The following STPG2 variants were observed in gnomAD, a reference collection of about 807,000 sequenced individuals.
The protein encoded by STPG2 is sperm tail PG-rich repeat containing 2.
STPG2 carries 56 observed loss-of-function variants against 54.2 expected under a neutral mutation model. The ratio of observed to expected loss-of-function variants is 1.03; its 90% CI spans 0.83 to 1.29. The LOEUF is 1.29. Ranked by LOEUF, STPG2 falls within the 50% of genes most tolerant of loss-of-function variation. STPG2 has a pLI of 0.00. For missense variants in STPG2, 596 were observed against 544.9 expected (o/e 1.09, Z -0.93); for synonymous variants, 200 against 181.8 (o/e 1.10, Z -0.81).
Position 97,486,352 on chromosome 4 carries a change from G to A in STPG2, c.462+226347C>T, listed in dbSNP as rs188494206. On this transcript the variant is annotated intron_variant, in intron 4 of 4. Coordinates refer to the STPG2 transcript ENST00000522676. ...AAAAAAACAATCCCATCAAAAAGTG[G>A]GCTAAGAACATGAATAGACAATTCC... is the stretch of plus-strand genomic sequence containing the variant. Among the ~76,000 whole-genome samples, 434 of 151,584 alleles carry A rather than the reference G, an allele frequency of 2.9e-3. 6 individuals are homozygous for A. The Middle Eastern group carries it at 0.031, about 11-fold the overall frequency.
rs1458435375 is a variant in STPG2, at chr4:97,840,935, GA to G, written c.1045-4del. 6 of 1,604,924 alleles carry G rather than the reference GA, an allele frequency of 3.7e-6. No individual in the cohort carries two copies. The highest frequency in any genetic ancestry group is 1.7e-5 in the Admixed American group (1 of 57,970). On this transcript the variant is annotated splice_polypyrimidine_tract_variant and splice_region_variant and intron_variant, in intron 8 of 10. Coordinates refer to ENST00000295268, the MANE Select transcript of STPG2 (RefSeq NM_174952.3). ...TAGCTGCCTGGCGCTGGAATAACCTGAAAAAAAATTTAATAGATGAGCATAA... is the reference window on the plus strand; with the variant it reads ...TAGCTGCCTGGCGCTGGAATAACCTGAAAAAAATTTAATAGATGAGCATAA...
intron 9 of STPG2, among the ~76,000 whole-genome samples, chr4:97,801,985 A>G: frequency 6.6e-6 from 1 of 152,240 alleles, no homozygotes; most frequent in East Asian, 1.9e-4. Context: ...TAGAATCACC[A>G]GGAGGACTTG....
intron 4 of STPG2, among the ~76,000 whole-genome samples, chr4:97,538,199 AC>A (rs2148858608): frequency 6.6e-6 from 1 of 152,366 alleles, no homozygotes; most frequent in East Asian, 1.9e-4. Flanking sequence ...ACGGAGAATG[AC>A]TTTGACGAGT....
chr4:97,862,814 A>G (rs537029814), intron 8 of STPG2, among the ~76,000 whole-genome samples: 1 of 152,300 alleles, frequency 6.6e-6, no homozygotes, highest in African/African-American at 2.4e-5. Context: ...ACTCAACTAC[A>G]TGGAAACTGA....
intron 4 of STPG2, among the ~76,000 whole-genome samples, chr4:97,538,272 T>C (rs1731589048): frequency 6.6e-6 from 1 of 150,744 alleles, no homozygotes; most frequent in Admixed American, 6.6e-5. Flanking sequence ...TTCAAACCCA[T>C]CGCAAAGTTA....
chr4:97,567,055 TAAAA>T (rs1021691276), intron 10 of STPG2, among the ~76,000 whole-genome samples: 3 of 151,662 alleles, frequency 2.0e-5, no homozygotes, highest in Non-Finnish European at 4.4e-5. Context: ...AATAAATAAA[TAAAA>T]GAAAGAAATG....
At chr4:97,905,096 G>A (rs371439467) in intron 8 of STPG2, among the ~76,000 whole-genome samples, 2 of 151,832 alleles carry the variant, frequency 1.3e-5, no homozygotes, top group Non-Finnish European at 2.9e-5. Flanking sequence ...GATTCAGGAA[G>A]TACAGAGAAC....
chr4:97,718,020 C>T (rs1245502499), intron 9 of STPG2, among the ~76,000 whole-genome samples: 3 of 151,848 alleles, frequency 2.0e-5, no homozygotes, highest in Non-Finnish European at 4.4e-5. Flanking sequence ...ATTATCAAGG[C>T]AAAAAAGTAG....
At chr4:97,508,744 A>G (rs1219600379) in intron 4 of STPG2, among the ~76,000 whole-genome samples, 1 of 152,110 alleles carries the variant, frequency 6.6e-6, no homozygotes, top group Non-Finnish European at 1.5e-5. Flanking sequence ...TTTATTAATT[A>G]TAGCATGAAA....
intron 8 of STPG2, among the ~76,000 whole-genome samples, chr4:97,890,089 A>G (rs1489357522): frequency 5.3e-5 from 8 of 152,106 alleles, no homozygotes; most frequent in Non-Finnish European, 7.4e-5. Flanking sequence ...ATCTTTTTCT[A>G]GCTAACTTTT....
intron 5 of STPG2, among the ~76,000 whole-genome samples, chr4:98,096,281 C>T (rs1273106010): frequency 6.6e-6 from 1 of 152,052 alleles, no homozygotes; most frequent in East Asian, 1.9e-4. Flanking sequence ...CCTGTAGTCC[C>T]AGCTACTCAG....
chr4:97,797,055 T>C (rs887474508), intron 9 of STPG2, among the ~76,000 whole-genome samples: 1 of 152,224 alleles, frequency 6.6e-6, no homozygotes, highest in Non-Finnish European at 1.5e-5. Context: ...GAGACTTTGC[T>C]GAAGTTGCTT....
At chr4:97,911,337 G>A (rs927997414) in intron 8 of STPG2, among the ~76,000 whole-genome samples, 1 of 152,194 alleles carries the variant, frequency 6.6e-6, no homozygotes, top group Non-Finnish European at 1.5e-5. Context: ...AAGCAGGCTC[G>A]TTCAGCAGGC....
At chr4:97,812,394 T>C (rs1481593744) in intron 9 of STPG2, among the ~76,000 whole-genome samples, 1 of 152,074 alleles carries the variant, frequency 6.6e-6, no homozygotes, top group Non-Finnish European at 1.5e-5. Flanking sequence ...CACAGAAATG[T>C]TTCTGAAAAG....
intron 8 of STPG2, among the ~76,000 whole-genome samples, chr4:97,857,749 A>T (rs1729380659): frequency 6.6e-6 from 1 of 152,106 alleles, no homozygotes; most frequent in Non-Finnish European, 1.5e-5. Context: ...TTCAGACAGA[A>T]AATTCAAAAT....
At chr4:97,835,924 T>A (rs974062040) in intron 9 of STPG2, among the ~76,000 whole-genome samples, 1 of 152,022 alleles carries the variant, frequency 6.6e-6, no homozygotes, top group Non-Finnish European at 1.5e-5. Context: ...CCTGAAGATG[T>A]CTGAATTGCT....
chr4:98,090,103 C>G (rs1738642792), intron 5 of STPG2, among the ~76,000 whole-genome samples: 1 of 151,884 alleles, frequency 6.6e-6, no homozygotes, highest in African/African-American at 2.4e-5. Context: ...CTTTTGGGGT[C>G]TTAGTTATGA....
rs1721658708 is a variant in STPG2 at position 97,638,840 on chromosome 4, AAAC to A, written c.1320+73856_1320+73858del. Among the ~76,000 whole-genome samples, 3 of 139,830 alleles carry A rather than the reference AAAC, an allele frequency of 2.1e-5. No homozygotes were observed. In the Admixed American group the frequency reaches 2.2e-4, roughly 10 times the overall value. The allele number at this position is 139,830 out of a possible 152,430, so 91.7% of individuals were successfully genotyped here. A position where few individuals can be genotyped will look rare whatever the true frequency, so the allele number is the denominator to read the frequency against. On this transcript the variant is annotated intron_variant, in intron 10 of 10. Transcript: ENST00000295268. ...GAATGGCAATCATTAAAAAGTCAGG[AAAC>A]AACAGGTGCTGGAGAGGATGTGGAG...
chr4:97,877,492 TATC>T (rs1730220545), intron 8 of STPG2, among the ~76,000 whole-genome samples: 1 of 152,130 alleles, frequency 6.6e-6, no homozygotes, highest in Non-Finnish European at 1.5e-5. Context: ...GGGGATGCCT[TATC>T]ATTATGGTGA....
Sources: gnomAD v4.1 joint callset for allele counts (sites outside exome capture counted in the v4.1 genomes callset) on GRCh38, gnomAD v4.1.1 for gene constraint, MANE v1.5 for transcripts, NCBI Gene and HGNC (gene_info 2026-07-23, HGNC 2026-07-21) for gene names.